Variants in DPT observed in about 807,000 individuals in gnomAD.
DPT encodes dermatopontin.
A neutral mutation model predicts 31.2 loss-of-function variants in DPT; 21 were observed. The observed-to-expected ratio is 0.67, with a 90% CI of 0.48 to 0.97. The LOEUF is 0.97. Ranked by LOEUF, DPT falls within the 50% of genes least tolerant of loss-of-function variation. The pLI is 0.00. For synonymous variants in DPT, 91 were observed against 86.9 expected (o/e 1.05, Z -0.26); for missense variants, 262 against 258.8 (o/e 1.01, Z -0.08).
intron 1 of DPT, among the ~76,000 whole-genome samples, chr1:168,727,011 A>C (rs919837590): frequency 1.3e-5 from 2 of 152,272 alleles, no homozygotes; most frequent in Non-Finnish European, 2.9e-5. Flanking sequence ...GCCCCTCCAC[A>C]GTCCTGGTAA....
At chr1:168,706,270 C>T (rs1209594850) in intron 2 of DPT, among the ~76,000 whole-genome samples, 8 of 152,044 alleles carry the variant, frequency 5.3e-5, no homozygotes, top group African/African-American at 1.5e-4. Flanking sequence ...GGTTGGCTTA[C>T]GTTTTATATA....
chr1:168,721,044 A>G (rs975315606), intron 1 of DPT, among the ~76,000 whole-genome samples: 8 of 152,266 alleles, frequency 5.3e-5, no homozygotes, highest in African/African-American at 1.2e-4. Context: ...ATTACCAGAC[A>G]CTGTAACTGA....
Position 168,728,963 on chromosome 1 carries a change from C to T in DPT, c.212G>A (p.Arg71Lys). Reference sequence around the variant, plus strand: ...GGGCATGCAGGCGTAGTTCCATTGTCTGTCAGAACCTTCCTTCTTGCTGAA... The same window carrying T: ...GGGCATGCAGGCGTAGTTCCATTGTTTGTCAGAACCTTCCTTCTTGCTGAA... ...SIFSKKEGSD[R>K]QWNYACMPTP... The change falls in exon 1 of 4, where the codon AGA becomes AAA. Residue 71 changes from arginine (R) to lysine (K), a missense_variant. Physicochemically the swap from Arg to Lys is conservative, Grantham distance 26. Coordinates refer to ENST00000367817, the MANE Select transcript of DPT (RefSeq NM_001937.5). 1 of 1,614,232 alleles carries T rather than the reference C, an allele frequency of 6.2e-7. No individual in the cohort carries two copies. The highest frequency in any genetic ancestry group is 8.5e-7 in the Non-Finnish European group (1 of 1,180,044).
chr1:168,702,698 G>T (rs536063306), intron 2 of DPT, among the ~76,000 whole-genome samples: 1 of 143,648 alleles, frequency 7.0e-6, no homozygotes, highest in Non-Finnish European at 1.5e-5. Flanking sequence ...TGCAACTTCC[G>T]CCTCCTGGGT....
intron 2 of DPT, among the ~76,000 whole-genome samples, chr1:168,709,432 T>C (rs899178588): frequency 6.6e-6 from 1 of 152,344 alleles, no homozygotes. Flanking sequence ...CATTTCCTAA[T>C]GGCATGTCCA....
At position 168,726,982 on chromosome 1, in the gene DPT, C is replaced by T. The variant is rs186416564; in HGVS notation, c.305+1888G>A. ...TGCCTGTGTGAGTCCTCTCCCCACC[C>T]CTTCTACAGTCCGGCTGAGCCCCTC... is the stretch of plus-strand genomic sequence containing the variant. On this transcript the variant is annotated intron_variant, in intron 1 of 3. Coordinates refer to ENST00000367817, the MANE Select transcript of DPT (RefSeq NM_001937.5). Among the ~76,000 whole-genome samples the T allele has an allele frequency of 2.6e-5, 4 of 152,350 alleles. No homozygotes were observed. The East Asian group carries it at 5.8e-4, about 22-fold the overall frequency.
At chr1:168,699,651 A>G (rs920396906) in intron 3 of DPT, among the ~76,000 whole-genome samples, 2 of 151,634 alleles carry the variant, frequency 1.3e-5, no homozygotes, top group African/African-American at 4.8e-5. Context: ...TTTATTTAAG[A>G]TGTAATTCTG....
At chr1:168,699,808 G>A (rs1010579330) in intron 3 of DPT, among the ~76,000 whole-genome samples, 3 of 151,760 alleles carry the variant, frequency 2.0e-5, no homozygotes, top group East Asian at 1.9e-4. Context: ...AGTGATTATC[G>A]GCTGACTAAA....
rs545510344 is a variant in DPT, at chr1:168,728,326, T to G, written c.305+544A>C. The stretch of plus-strand genomic sequence containing the variant: ...TTAATTCCACTTTCTTTTGCCTAAA[T>G]GTCCTTGTCCCCTCTTTTCCATTCA... On this transcript the variant is annotated intron_variant, in intron 1 of 3. Transcript: ENST00000367817. 4.6e-5 allele frequency among the ~76,000 whole-genome samples: 7 copies of G among 152,344 alleles called. No individual in the cohort carries two copies. In the South Asian group the frequency reaches 1.4e-3, roughly 32 times the overall value.
chr1:168,716,978 A>T (rs986626297), intron 1 of DPT, among the ~76,000 whole-genome samples: 3 of 152,174 alleles, frequency 2.0e-5, no homozygotes, highest in Non-Finnish European at 4.4e-5. Context: ...GGTTGGTTCC[A>T]TGTCTTTGTT....
chr1:168,712,134 G>A (rs1649881190), intron 2 of DPT, among the ~76,000 whole-genome samples: 1 of 152,178 alleles, frequency 6.6e-6, no homozygotes, highest in Admixed American at 6.5e-5. Context: ...ATCAGTGAGT[G>A]GCCCCATATC....
intron 1 of DPT, among the ~76,000 whole-genome samples, chr1:168,717,127 C>T (rs927055275): frequency 1.3e-5 from 2 of 152,206 alleles, no homozygotes; most frequent in Non-Finnish European, 2.9e-5. Flanking sequence ...GAGGAATCAC[C>T]ACATTGCCTT....
intron 1 of DPT, among the ~76,000 whole-genome samples, chr1:168,726,546 G>A (rs924573631): frequency 1.3e-5 from 2 of 152,168 alleles, no homozygotes; most frequent in African/African-American, 2.4e-5. Flanking sequence ...GAGCGTCTGG[G>A]CCAAGGTCAC....
At chr1:168,719,441 T>C in intron 1 of DPT, among the ~76,000 whole-genome samples, 1 of 152,220 alleles carries the variant, frequency 6.6e-6, no homozygotes, top group South Asian at 2.1e-4. Context: ...GGGGGAACTG[T>C]CAGGGATTGC....
At chr1:168,716,193 T>C (rs1357677774) in intron 1 of DPT, among the ~76,000 whole-genome samples, 3 of 152,238 alleles carry the variant, frequency 2.0e-5, no homozygotes, top group African/African-American at 7.2e-5. Context: ...GTTATTCATT[T>C]ATTCACCTAA....
chr1:168,717,103 T>C (rs1452104627), intron 1 of DPT, among the ~76,000 whole-genome samples: 1 of 152,202 alleles, frequency 6.6e-6, no homozygotes, highest in Non-Finnish European at 1.5e-5. Flanking sequence ...TGGTATTTCT[T>C]GTTCTAGATC....
At chr1:168,698,616 G>A (rs767986540) in intron 3 of DPT, among the ~76,000 whole-genome samples, 4 of 152,030 alleles carry the variant, frequency 2.6e-5, no homozygotes, top group Non-Finnish European at 5.9e-5. Flanking sequence ...GCTCCCCAAG[G>A]GAATACTTGG....
intron 1 of DPT, among the ~76,000 whole-genome samples, chr1:168,716,556 A>G (rs1267770432): frequency 1.4e-5 from 2 of 143,068 alleles, no homozygotes; most frequent in Non-Finnish European, 3.1e-5. Flanking sequence ...CTTTTATTTT[A>G]CTTTAAGTTC....
chr1:168,699,591 T>C (rs1233899737), intron 3 of DPT, among the ~76,000 whole-genome samples: 1 of 150,590 alleles, frequency 6.6e-6, no homozygotes, highest in African/African-American at 2.5e-5. Context: ...AATGTCTTTT[T>C]TTTTTTTTAA....
Sources: allele counts gnomAD v4.1 joint callset (sites outside exome capture counted in the v4.1 genomes callset), GRCh38; gene constraint gnomAD v4.1.1; transcripts MANE v1.5; gene names NCBI Gene and HGNC (gene_info 2026-07-23, HGNC 2026-07-21).